The following KCNN2 variants were observed in gnomAD, a reference collection of about 807,000 sequenced individuals.
KCNN2 encodes the protein small conductance calcium-activated potassium channel protein 2.
KCNN2 carries 24 observed loss-of-function variants against 55.5 expected under a neutral mutation model. That is an observed-to-expected ratio of 0.43 (90% CI 0.31 to 0.61). The LOEUF (loss-of-function observed/expected upper bound fraction) is 0.61. KCNN2 is among the 20% of genes least tolerant of loss of function. KCNN2 has a pLI of 0.08. For synonymous variants in KCNN2, 431 were observed against 336.1 expected (o/e 1.28, Z -3.09); for missense variants, 754 against 853.6 (o/e 0.88, Z 1.45).
chr5:114,292,284 G>A (rs1463957960), intron 2 of KCNN2, among the ~76,000 whole-genome samples: 1 of 152,158 alleles, frequency 6.6e-6, no homozygotes, highest in East Asian at 1.9e-4. Context: ...TGGCCTGAAT[G>A]GCATTGCCTA....
chr5:114,112,732 G>A lies in KCNN2; in HGVS notation c.-271+56232G>A, dbSNP rs1329143695. ...AATAAGTATGTGGGTGGAGAAACAG[G>A]AAGTATCTATATTAAATTGTGTTTT... On this transcript the variant is annotated intron_variant, in intron 1 of 10. Coordinates refer to the KCNN2 transcript ENST00000512097. Among the ~76,000 whole-genome samples the A allele has an allele frequency of 2.6e-5, 4 of 152,134 alleles. No homozygotes were observed. The East Asian group carries it at 7.8e-4, about 30-fold the overall frequency.
At chr5:114,412,333 TTTAATAAC>T (rs1299666034) in intron 3 of KCNN2, among the ~76,000 whole-genome samples, 3 of 152,206 alleles carry the variant, frequency 2.0e-5, no homozygotes, top group African/African-American at 7.2e-5. Flanking sequence ...GTGGATGTCT[TTTAATAAC>T]TTAATCTGTT....
intron 3 of KCNN2, among the ~76,000 whole-genome samples, chr5:114,451,561 C>T (rs2150104651): frequency 6.6e-6 from 1 of 152,194 alleles, no homozygotes; most frequent in South Asian, 2.1e-4. Context: ...GGTGAAAATA[C>T]TCACTTTGGC....
At chr5:114,422,601 A>T (rs532356115) in intron 3 of KCNN2, among the ~76,000 whole-genome samples, 23 of 152,250 alleles carry the variant, frequency 1.5e-4, no homozygotes, top group Non-Finnish European at 2.8e-4. Context: ...TGAATGTACA[A>T]GTCTGTTATG....
chr5:114,486,637 C>A, intron 5 of KCNN2: 2 of 804,180 alleles, frequency 2.5e-6, no homozygotes, highest in South Asian at 1.5e-5. Context: ...GCCAGAAATA[C>A]CAAGCAGGCT....
chr5:114,253,577 G>T, intron 2 of KCNN2: 1 of 155,524 alleles, frequency 6.4e-6, no homozygotes. Context: ...GATCTGGCTG[G>T]CTAGGCGGGT....
At chr5:114,088,305 T>C (rs1027665523) in intron 1 of KCNN2, among the ~76,000 whole-genome samples, 2 of 152,050 alleles carry the variant, frequency 1.3e-5, no homozygotes, top group Non-Finnish European at 1.5e-5. Flanking sequence ...TAAGTTTTTT[T>C]CATCATTTAT....
intron 1 of KCNN2, among the ~76,000 whole-genome samples, chr5:114,183,681 T>A (rs1448864918): frequency 2.0e-5 from 3 of 152,050 alleles, no homozygotes; most frequent in Non-Finnish European, 4.4e-5. Context: ...GGATCTGTAT[T>A]TATATAAGTC....
chr5:114,233,589 C>G (rs1754406223), intron 2 of KCNN2, among the ~76,000 whole-genome samples: 1 of 152,022 alleles, frequency 6.6e-6, no homozygotes, highest in Non-Finnish European at 1.5e-5. Context: ...TGGGAAACCG[C>G]TTTCTTTTTC....
At chr5:114,292,107 G>A (rs1210704179) in intron 2 of KCNN2, among the ~76,000 whole-genome samples, 3 of 152,152 alleles carry the variant, frequency 2.0e-5, no homozygotes, top group Non-Finnish European at 2.9e-5. Flanking sequence ...TGTCAGATGA[G>A]TAGATTGCAA....
chr5:114,123,448 C>T lies in KCNN2; in HGVS notation c.-271+66948C>T, dbSNP rs529707025. On this transcript the variant is annotated intron_variant, in intron 1 of 10. Coordinates refer to the KCNN2 transcript ENST00000512097. ...CGCGATCTCGGCTCACTGCAAGCTC[C>T]GCCTCCCGGGTTCACGCCATTCTCC... is the stretch of plus-strand genomic sequence containing the variant. 6.8e-4 allele frequency among the ~76,000 whole-genome samples: 47 copies of T among 69,078 alleles called. 12 individuals carry two copies. Among genetic ancestry groups the T allele is most frequent in the African/African-American group, 3.3e-3 (38 of 11,624 alleles). The allele number at this position is 69,078 out of a possible 152,430, so 45.3% of individuals were successfully genotyped here.
At chr5:114,227,193 C>A (rs1296225364) in intron 2 of KCNN2, among the ~76,000 whole-genome samples, 2 of 152,130 alleles carry the variant, frequency 1.3e-5, no homozygotes, top group Non-Finnish European at 2.9e-5. Context: ...GACCAACTTG[C>A]TCTATGCCTG....
chr5:114,231,341 G>A (rs1220396880), intron 2 of KCNN2, among the ~76,000 whole-genome samples: 3 of 119,512 alleles, frequency 2.5e-5, no homozygotes, highest in Non-Finnish European at 5.0e-5. Flanking sequence ...TTGGTGTTTT[G>A]GACATGAAGT....
chr5:114,364,330 A>G (rs918885203), intron 2 of KCNN2, among the ~76,000 whole-genome samples: 47 of 152,172 alleles, frequency 3.1e-4, no homozygotes, highest in African/African-American at 1.1e-3. Context: ...TTAATCTGGA[A>G]TGAACTTGTG....
chr5:114,218,273 A>C (rs1754050178), intron 1 of KCNN2, among the ~76,000 whole-genome samples: 2 of 152,194 alleles, frequency 1.3e-5, no homozygotes, highest in Admixed American at 1.3e-4. Context: ...TTCACACAAA[A>C]ACCTGCACAT....
chr5:114,176,907 C>T (rs937879352), intron 1 of KCNN2, among the ~76,000 whole-genome samples: 2 of 152,010 alleles, frequency 1.3e-5, no homozygotes, highest in African/African-American at 2.4e-5. Flanking sequence ...TACCTAGTCT[C>T]TCTCTCTCTC....
At chr5:114,388,658 C>T (rs919863274) in intron 2 of KCNN2, among the ~76,000 whole-genome samples, 4 of 152,094 alleles carry the variant, frequency 2.6e-5, no homozygotes, top group Non-Finnish European at 5.9e-5. Context: ...ATGCAGAGCA[C>T]TCCTTAGCAG....
intron 2 of KCNN2, among the ~76,000 whole-genome samples, chr5:114,241,910 T>C (rs1169403652): frequency 6.8e-6 from 1 of 147,352 alleles, no homozygotes; most frequent in Non-Finnish European, 1.5e-5. Flanking sequence ...CATATTGGAC[T>C]ATTAATCTTT....
chr5:114,297,481 A>G (rs1415456592), intron 2 of KCNN2, among the ~76,000 whole-genome samples: 2 of 152,208 alleles, frequency 1.3e-5, no homozygotes, highest in African/African-American at 4.8e-5. Context: ...GTTCAGTGAA[A>G]GAGGCATCTC....
Sources: gnomAD v4.1 joint callset for allele counts (sites outside exome capture counted in the v4.1 genomes callset) on GRCh38, gnomAD v4.1.1 for gene constraint, MANE v1.5 for transcripts, NCBI Gene and HGNC (gene_info 2026-07-23, HGNC 2026-07-21) for gene names.